Variants in SLC17A5 observed in about 807,000 individuals in gnomAD.
The protein encoded by SLC17A5 is solute carrier family 17 member 5, also known as sialin.
In SLC17A5, 47 loss-of-function variants were observed where a neutral mutation model predicts 59.4. The ratio of observed to expected loss-of-function variants is 0.79; its 90% CI spans 0.63 to 1.01. The LOEUF is 1.01. Ranked by LOEUF, SLC17A5 falls within the 50% of genes least tolerant of loss-of-function variation. SLC17A5 has a pLI of 0.00. For missense variants in SLC17A5, 522 were observed against 595.5 expected, an observed-to-expected ratio of 0.88 and a Z score of 1.28; for synonymous variants, 202 against 210.7, an observed-to-expected ratio of 0.96 and a Z score of 0.36.
chr6:73,635,349 G>T, intron 6 of SLC17A5, 33 bp downstream of exon 6: 3 of 1,210,154 alleles, frequency 2.5e-6, no homozygotes, highest in South Asian at 1.2e-5. Flanking sequence ...AAAAGTTTCT[G>T]ACATTATTTT....
chr6:73,645,579 G>A, intron 1 of SLC17A5: 7 of 656,684 alleles, frequency 1.1e-5, no homozygotes, highest in Non-Finnish European at 1.3e-5. Flanking sequence ...CTGAGGTCAG[G>A]AGATCGAGAC....
chr6:73,628,889 T>C (rs1159346160), intron 6 of SLC17A5, among the ~76,000 whole-genome samples: 2 of 146,442 alleles, frequency 1.4e-5, no homozygotes, highest in South Asian at 2.1e-4. Context: ...TATTCTAATA[T>C]GCCATTTAAA....
intron 1 of SLC17A5, among the ~76,000 whole-genome samples, chr6:73,649,236 A>T (rs913177288): frequency 6.6e-6 from 1 of 152,186 alleles, no homozygotes; most frequent in Non-Finnish European, 1.5e-5. Flanking sequence ...GACCTCAGGC[A>T]ATCCGCCCAC....
intron 9 of SLC17A5, among the ~76,000 whole-genome samples, chr6:73,601,397 G>A (rs1462023123): frequency 2.0e-5 from 3 of 146,366 alleles, no homozygotes; most frequent in Admixed American, 6.8e-5. Context: ...CAGCCGCCCC[G>A]TCCGGGAGGG....
chr6:73,609,766 C>CT (rs1767564427), intron 9 of SLC17A5, among the ~76,000 whole-genome samples: 1 of 152,210 alleles, frequency 6.6e-6, no homozygotes, highest in South Asian at 2.1e-4. Context: ...CAACTTCCTG[C>CT]TTTAATTATT....
chr6:73,616,780 T>G (rs571792816), intron 7 of SLC17A5, among the ~76,000 whole-genome samples: 2 of 152,176 alleles, frequency 1.3e-5, no homozygotes, highest in South Asian at 4.1e-4. Flanking sequence ...GGCTAATTTG[T>G]ATTTTTAGTA....
chr6:73,631,051 GAAAAAAA>G lies in SLC17A5; in HGVS notation c.819+4324_819+4330del, dbSNP rs59780167. Among the ~76,000 whole-genome samples the G allele has an allele frequency of 5.7e-5, 6 of 104,502 alleles. No homozygotes were observed. In the East Asian group the frequency reaches 8.1e-4, roughly 14 times the overall value. The allele number at this position is 104,502 out of a possible 152,430, so 68.6% of individuals were successfully genotyped here. On this transcript the variant is annotated intron_variant, in intron 6 of 10. Transcript: ENST00000355773. ...AAAAGAGCAAAACTCTGTCTCAAAA[GAAAAAAA>G]AAAAAAAAGAAAAAAAGCAGTCCTG...
intron 2 of SLC17A5, among the ~76,000 whole-genome samples, chr6:73,643,309 C>T (rs1461331656): frequency 1.3e-5 from 2 of 150,760 alleles, no homozygotes; most frequent in Admixed American, 1.3e-4. Context: ...CACAGGCGCC[C>T]ACCACCTCGC....
intron 10 of SLC17A5, among the ~76,000 whole-genome samples, chr6:73,599,200 ATTTTTAT>A (rs1182457063): frequency 6.6e-6 from 1 of 151,810 alleles, no homozygotes; most frequent in Non-Finnish European, 1.5e-5. Flanking sequence ...TTATTTTTTT[ATTTTTAT>A]TTTTTATTTA....
intron 6 of SLC17A5, among the ~76,000 whole-genome samples, chr6:73,631,288 C>T (rs75382775): frequency 6.6e-6 from 1 of 151,454 alleles, no homozygotes; most frequent in South Asian, 2.1e-4. Flanking sequence ...AGAAAAAAAA[C>T]CACTCCACAG....
At chr6:73,608,701 G>A (rs1767507714) in intron 9 of SLC17A5, among the ~76,000 whole-genome samples, 1 of 151,930 alleles carries the variant, frequency 6.6e-6, no homozygotes, top group East Asian at 1.9e-4. Context: ...TTGACTATTC[G>A]TCAATCCTAG....
intron 5 of SLC17A5, among the ~76,000 whole-genome samples, chr6:73,636,191 T>C (rs949649302): frequency 4.0e-5 from 6 of 151,862 alleles, no homozygotes; most frequent in African/African-American, 1.5e-4. Context: ...ATTTCTTGCA[T>C]GACATGTCTA....
intron 10 of SLC17A5, among the ~76,000 whole-genome samples, chr6:73,599,705 T>C (rs1354952108): frequency 6.6e-6 from 1 of 152,208 alleles, no homozygotes; most frequent in African/African-American, 2.4e-5. Flanking sequence ...GAATTAGAAA[T>C]GGTAGATGTG....
intron 3 of SLC17A5, among the ~76,000 whole-genome samples, chr6:73,641,370 C>T (rs545798788): frequency 1.3e-5 from 2 of 152,194 alleles, no homozygotes; most frequent in Non-Finnish European, 1.5e-5. Flanking sequence ...TGAGCCACCA[C>T]GCCCGGACTA....
Position 73,595,084 on chromosome 6 carries a change from C to T in SLC17A5, c.1481G>A (p.Arg494Lys). 6.2e-7 allele frequency: 1 copy of T among 1,614,104 alleles called. No individual in the cohort carries two copies. Among genetic ancestry groups the T allele is most frequent in the Non-Finnish European group, 8.5e-7 (1 of 1,180,002 alleles). Residue 494 changes from arginine to lysine, a missense_variant, in exon 11 of 11, where the codon AGA becomes AAA. Transcript: ENST00000355773. ...GATTATTTATTGGTTCCTTCAGTGT[C>T]TGTGTCCATGGTGATCATTGAGAGC... ...NWALNDHHGH[R>K]H
intron 3 of SLC17A5, among the ~76,000 whole-genome samples, chr6:73,639,229 AG>A (rs1769163847): frequency 6.6e-6 from 1 of 152,244 alleles, no homozygotes; most frequent in Non-Finnish European, 1.5e-5. Context: ...GAGATACCAC[AG>A]GACAGTGAGA....
intron 10 of SLC17A5, among the ~76,000 whole-genome samples, chr6:73,598,644 A>C (rs555128924): frequency 6.6e-6 from 1 of 152,136 alleles, no homozygotes; most frequent in African/African-American, 2.4e-5. Context: ...AGAAGAAAGA[A>C]ATTACAATTG....
At chr6:73,648,125 G>T (rs1249666418) in intron 1 of SLC17A5, among the ~76,000 whole-genome samples, 1 of 152,116 alleles carries the variant, frequency 6.6e-6, no homozygotes, top group Non-Finnish European at 1.5e-5. Flanking sequence ...ATTACTATGA[G>T]ATTCTAAGAA....
Position 73,621,896 on chromosome 6 carries a change from C to T in SLC17A5, c.886G>A (p.Val296Ile), listed in dbSNP as rs16883930. Residue 296 changes from valine to isoleucine, a missense_variant, in exon 7 of 11, where the codon GTT (valine) becomes ATT (isoleucine). Coordinates refer to ENST00000355773, the MANE Select transcript of SLC17A5 (RefSeq NM_012434.5). ...GTCCAGTTGTAAGAAAAGTGTGCAA[C>T]TACGATAGCCCAAAGTGGCAGGGAT... ...LKSLPLWAIV[V>I]AHFSYNWTFY... The T allele has an allele frequency of 0.012, 18,894 of 1,613,866 alleles. 463 individuals carry two copies. The highest frequency in any genetic ancestry group is 0.1 in the East Asian group (4,504 of 44,838).
Sources: allele counts gnomAD v4.1 joint callset (sites outside exome capture counted in the v4.1 genomes callset), GRCh38; gene constraint gnomAD v4.1.1; transcripts MANE v1.5; gene names NCBI Gene and HGNC (gene_info 2026-07-23, HGNC 2026-07-21).